GUSB: variants seen among roughly 807,000 people sequenced by gnomAD.
GUSB encodes the protein glucuronidase beta.
Under a neutral mutation model 74.6 loss-of-function variants are expected in GUSB, and 51 were observed. That is an observed-to-expected ratio of 0.68 (90% CI 0.55 to 0.86). The LOEUF (loss-of-function observed/expected upper bound fraction) is 0.86. Ranked by LOEUF, GUSB falls within the 40% of genes least tolerant of loss-of-function variation. The probability of loss-of-function intolerance (pLI) is 0.00; values close to 1 mark genes in which losing one functional copy is unlikely to be tolerated. For missense variants in GUSB, 736 were observed against 853.7 expected (o/e 0.86, Z 1.72); for synonymous variants, 360 against 348.3 (o/e 1.03, Z -0.37).
At chr7:65,963,734 T>TG (rs1398733017) in intron 11 of GUSB, among the ~76,000 whole-genome samples, 1 of 152,110 alleles carries the variant, frequency 6.6e-6, no homozygotes, top group African/African-American at 2.4e-5. Context: ...TTTGTAGAGA[T>TG]GGGGTCTTGC....
At chr7:65,973,932 GA>G (rs796144961) in intron 8 of GUSB, among the ~76,000 whole-genome samples, 35 of 137,944 alleles carry the variant, frequency 2.5e-4, no homozygotes, top group Admixed American at 3.7e-4. Context: ...AACCCATTTT[GA>G]AAAAAAAAAA....
At chr7:65,981,931 G>A (rs373155959) in intron 1 of GUSB, 43 bp downstream of exon 1, 3 of 1,542,146 alleles carry the variant, frequency 1.9e-6, no homozygotes, top group Non-Finnish European at 2.6e-6. Flanking sequence ...TACTCCCACC[G>A]CCGGGCTTTC....
At chr7:65,977,880 A>G (rs531182930) in intron 4 of GUSB, among the ~76,000 whole-genome samples, 150 of 152,070 alleles carry the variant, frequency 9.9e-4, no homozygotes, top group East Asian at 1.4e-3. Flanking sequence ...ATGCAATCTC[A>G]GCTCACTGCA....
chr7:65,968,876 C>T (rs1791016402), intron 9 of GUSB, among the ~76,000 whole-genome samples: 1 of 152,158 alleles, frequency 6.6e-6, no homozygotes. Flanking sequence ...TGTAAGCCAC[C>T]ATGCCCGGCT....
Position 65,974,563 on chromosome 7 carries a change from C to T in GUSB, c.1207G>A (p.Val403Ile). The T allele has an allele frequency of 3.7e-6, 6 of 1,614,232 alleles. No individual in the cohort carries two copies. The highest frequency in any genetic ancestry group is 5.1e-6 in the Non-Finnish European group (6 of 1,180,058). ...CCCACGCCGGGACACTCATCGATGACCACAATCCCATAGCGGTCACACATC... is the reference window on the plus strand; with the variant it reads ...CCCACGCCGGGACACTCATCGATGATCACAATCCCATAGCGGTCACACATC... ...MQMCDRYGIV[V>I]IDECPGVGLA... Residue 403 changes from valine to isoleucine, a missense_variant, in exon 7 of 12, where the codon GTC becomes ATC. Coordinates refer to ENST00000304895, the MANE Select transcript of GUSB (RefSeq NM_000181.4).
chr7:65,967,138 T>TG lies in GUSB; in HGVS notation c.1653+592dup, dbSNP rs553725267. On this transcript the variant is annotated intron_variant, in intron 10 of 11. Transcript: ENST00000304895. ...AGGTTAGGGCTTTGTCCTGTGGGCC[T>TG]GGGGGAGCCAATGACAGGACTCCCA... Among the ~76,000 whole-genome samples, 18 of 152,080 alleles carry TG rather than the reference T, an allele frequency of 1.2e-4. No homozygotes were observed. The East Asian group carries it at 2.1e-3, about 18-fold the overall frequency.
intron 8 of GUSB, among the ~76,000 whole-genome samples, chr7:65,972,306 C>G (rs573003769): frequency 3.9e-5 from 6 of 152,002 alleles, no homozygotes; most frequent in Admixed American, 2.6e-4. Flanking sequence ...GGATTACAGA[C>G]GCCCACCTCT....
At chr7:65,975,898 A>T (rs540833610) in intron 5 of GUSB, 117 bp downstream of exon 5, 61 of 785,260 alleles carry the variant, frequency 7.8e-5, no homozygotes, top group African/African-American at 7.6e-4. Context: ...GGTGAGAAAC[A>T]TCAGAAAGCT....
Position 65,963,104 on chromosome 7 carries a change from C to T in GUSB, c.1789+1219G>A, listed in dbSNP as rs533351145. 2.6e-5 allele frequency among the ~76,000 whole-genome samples: 4 copies of T among 152,174 alleles called. No homozygotes were observed. In the East Asian group the frequency reaches 7.8e-4, roughly 30 times the overall value. ...AACTCCTGACCTCAGGTGATCTGTC[C>T]ACCTTGGCCTCCCAAAGTGCTGGGA... On this transcript the variant is annotated intron_variant, in intron 11 of 11. Transcript: ENST00000304895.
At chr7:65,961,903 G>A (rs939220071) in intron 11 of GUSB, among the ~76,000 whole-genome samples, 4 of 152,080 alleles carry the variant, frequency 2.6e-5, no homozygotes, top group Non-Finnish European at 4.4e-5. Flanking sequence ...TCAGGAGGCT[G>A]GGGCAGGAGA....
intron 6 of GUSB, 105 bp from the exon 7 acceptor site, chr7:65,974,809 A>T: frequency 6.4e-7 from 1 of 1,552,182 alleles, no homozygotes; most frequent in Non-Finnish European, 8.9e-7. Flanking sequence ...CTCCATTTGG[A>T]GCCATTTGCC....
Position 65,974,324 on chromosome 7 carries a change from G to A in GUSB, c.1362C>T (p.Ser454=). 6.2e-7 allele frequency: 1 copy of A among 1,614,110 alleles called. No homozygotes were observed. Among genetic ancestry groups the A allele is most frequent in the Non-Finnish European group, 8.5e-7 (1 of 1,180,008 alleles). Residue 454 remains serine, a synonymous_variant, in exon 8 of 12, where the codon TCC becomes TCT. Coordinates refer to ENST00000304895, the MANE Select transcript of GUSB (RefSeq NM_000181.4). ...AGTAGTAGCCAGCAGATTCTAGGTG[G>A]GACGCAGGCTCGTTGGCCACAGACC... ...VMWSVANEPA[S]HLESAGYYLK...
At chr7:65,962,211 A>G (rs1412851821) in intron 11 of GUSB, among the ~76,000 whole-genome samples, 1 of 152,020 alleles carries the variant, frequency 6.6e-6, no homozygotes. Flanking sequence ...GGACCTACTC[A>G]TGGAGTTCAA....
chr7:65,961,084 C>T, intron 11 of GUSB, 21 bp from the exon 12 acceptor site: 1 of 1,557,470 alleles, frequency 6.4e-7, no homozygotes, highest in Non-Finnish European at 8.9e-7. Flanking sequence ...AAAAAAAAGA[C>T]ACAAAGCGAT....
chr7:65,961,418 A>T (rs1790489725), intron 11 of GUSB, among the ~76,000 whole-genome samples: 1 of 152,198 alleles, frequency 6.6e-6, no homozygotes, highest in African/African-American at 2.4e-5. Flanking sequence ...TATAAGCACA[A>T]GCCACCATGC....
chr7:65,969,054 A>C (rs1020083222), intron 9 of GUSB, among the ~76,000 whole-genome samples: 2 of 151,990 alleles, frequency 1.3e-5, no homozygotes, highest in African/African-American at 4.8e-5. Flanking sequence ...CCAACTGGCT[A>C]GTTTCTAATG....
At chr7:65,967,672 A>G in intron 10 of GUSB, 59 bp downstream of exon 10, 1 of 1,370,368 alleles carries the variant, frequency 7.3e-7, no homozygotes, top group South Asian at 1.2e-5. Flanking sequence ...AGGCTGGAGG[A>G]GGTGAGTGAC....
chr7:65,967,020 C>T (rs1206926101), intron 10 of GUSB, among the ~76,000 whole-genome samples: 1 of 152,058 alleles, frequency 6.6e-6, no homozygotes, highest in African/African-American at 2.4e-5. Flanking sequence ...GGAGAGCAAG[C>T]GAGGGCAGTG....
Position 65,969,942 on chromosome 7 carries a change from T to C in GUSB, c.1476+340A>G, listed in dbSNP as rs368491490. Reference sequence around the variant, plus strand: ...TCTCCCTATGCCCAGCCTCCTTGGATTGAGAAAGCCACACTGCCTGGCGAG... The same window carrying C: ...TCTCCCTATGCCCAGCCTCCTTGGACTGAGAAAGCCACACTGCCTGGCGAG... On this transcript the variant is annotated intron_variant, in intron 9 of 11. Transcript: ENST00000304895. Among the ~76,000 whole-genome samples, 93 of 152,292 alleles carry C rather than the reference T, an allele frequency of 6.1e-4. 1 individual carries two copies. The highest frequency in any genetic ancestry group is 2.2e-3 in the African/African-American group (92 of 41,570).
Sources: gnomAD v4.1 joint callset for allele counts (sites outside exome capture counted in the v4.1 genomes callset) on GRCh38, gnomAD v4.1.1 for gene constraint, MANE v1.5 for transcripts, NCBI Gene and HGNC (gene_info 2026-07-23, HGNC 2026-07-21) for gene names.